Variants in ALDH7A1 observed in about 807,000 individuals in gnomAD.
ALDH7A1 encodes the protein alpha-aminoadipic semialdehyde dehydrogenase.
A neutral mutation model predicts 79.9 loss-of-function variants in ALDH7A1; 63 were observed. The ratio of observed to expected loss-of-function variants is 0.79; its 90% CI spans 0.64 to 0.97. The LOEUF is 0.97. Among genes scored for constraint, ALDH7A1 ranks in the 50% least tolerant of loss-of-function variants. The probability of loss-of-function intolerance (pLI) is 0.00; values close to 1 mark genes in which losing one functional copy is unlikely to be tolerated. For missense variants in ALDH7A1, 627 were observed against 665.2 expected, an observed-to-expected ratio of 0.94 and a Z score of 0.63; for synonymous variants, 240 against 231.2, an observed-to-expected ratio of 1.04 and a Z score of -0.34.
intron 9 of ALDH7A1, chr5:126,564,245 C>T (rs1178519208): frequency 5.0e-6 from 1 of 198,514 alleles, no homozygotes; most frequent in Non-Finnish European, 1.0e-5. Flanking sequence ...CAACCTCTGC[C>T]TCTGGGTTCA....
chr5:126,582,527 C>T (rs1267972855), intron 5 of ALDH7A1, among the ~76,000 whole-genome samples: 1 of 152,096 alleles, frequency 6.6e-6, no homozygotes, highest in Non-Finnish European at 1.5e-5. Context: ...TGTCTTATTT[C>T]AGATTATTTA....
intron 13 of ALDH7A1, among the ~76,000 whole-genome samples, chr5:126,552,474 C>T (rs1750032756): frequency 6.6e-6 from 1 of 152,182 alleles, no homozygotes; most frequent in South Asian, 2.1e-4. Context: ...CTCACTGCAA[C>T]CTCCGTCTCC....
chr5:126,560,827 C>T (rs1395890752), intron 10 of ALDH7A1, among the ~76,000 whole-genome samples: 2 of 152,188 alleles, frequency 1.3e-5, no homozygotes, highest in Non-Finnish European at 2.9e-5. Flanking sequence ...ACTACAATGG[C>T]AATGGAAGTC....
At chr5:126,563,181 A>T (rs1244969382) in intron 9 of ALDH7A1, among the ~76,000 whole-genome samples, 1 of 152,244 alleles carries the variant, frequency 6.6e-6, no homozygotes, top group Non-Finnish European at 1.5e-5. Context: ...CCTATGGCCC[A>T]TAAGGCCACC....
At chr5:126,579,904 G>T in intron 5 of ALDH7A1, 1 of 163,290 alleles carries the variant, frequency 6.1e-6, no homozygotes. Context: ...AAGCTGCAAG[G>T]GGCTATAATC....
chr5:126,570,749 T>C (rs772787905), intron 8 of ALDH7A1, 33 bp downstream of exon 8: 10 of 1,608,704 alleles, frequency 6.2e-6, no homozygotes, highest in South Asian at 1.1e-5. Context: ...CTGGGGTCCT[T>C]CAACAGAGGA....
At chr5:126,558,341 C>G (rs774685707) in intron 11 of ALDH7A1, among the ~76,000 whole-genome samples, 20 of 152,058 alleles carry the variant, frequency 1.3e-4, no homozygotes, top group Non-Finnish European at 2.5e-4. Context: ...CATATTGAAG[C>G]TAAACCACAT....
At position 126,595,073 on chromosome 5, in the gene ALDH7A1, C is replaced by A; in HGVS notation, c.126G>T (p.Leu42=). ...TTTCCTCGCGGAGCCCCAGCTCTTTCAGCCACGCATACTGGGGCTGATTGA... is the reference window on the plus strand; with the variant it reads ...TTTCCTCGCGGAGCCCCAGCTCTTTAAGCCACGCATACTGGGGCTGATTGA... ...LLINQPQYAW[L]KELGLREENE... The change falls in exon 1 of 18, where the codon CTG becomes CTT. Residue 42 remains leucine (L), a synonymous_variant. Transcript: ENST00000409134. The A allele has an allele frequency of 6.2e-7, 1 of 1,608,294 alleles. No homozygotes were observed.
chr5:126,579,820 C>T (rs1331302150), intron 5 of ALDH7A1, among the ~76,000 whole-genome samples: 1 of 152,038 alleles, frequency 6.6e-6, no homozygotes, highest in Non-Finnish European at 1.5e-5. Context: ...ATTAGCTGGG[C>T]TTGGTGGCAT....
intron 16 of ALDH7A1, among the ~76,000 whole-genome samples, chr5:126,548,953 A>T (rs1178372873): frequency 6.6e-6 from 1 of 150,968 alleles, no homozygotes; most frequent in African/African-American, 2.4e-5. Context: ...ACATGCCTGT[A>T]ATCTCAGCTA....
At chr5:126,559,090 G>T in intron 11 of ALDH7A1, 150 bp downstream of exon 11, 1 of 678,410 alleles carries the variant, frequency 1.5e-6, no homozygotes, top group Non-Finnish European at 2.7e-6. Context: ...TCTGCCATGA[G>T]CACAGAAAGA....
At position 126,575,310 on chromosome 5, in the gene ALDH7A1, T is replaced by A. The variant is rs979554522; in HGVS notation, c.695+110A>T. 2.6e-5 allele frequency: 26 copies of A among 993,072 alleles called. No homozygotes were observed. In the African/African-American group the frequency reaches 4.2e-4, roughly 16 times the overall value. 61.5% of individuals were successfully genotyped at this position (993,072 alleles called of 1,614,324 possible). A position where few individuals can be genotyped will look rare whatever the true frequency, so the allele number is the denominator to read the frequency against. On this transcript the variant is annotated intron_variant, in intron 7 of 17. Coordinates refer to ENST00000409134, the MANE Select transcript of ALDH7A1 (RefSeq NM_001182.5). Reference sequence around the variant, plus strand: ...TTACAAGCAAAGGAGAAAGAGGTTATCCAAATTCCATGCTATGTGACTCTG... The same window carrying A: ...TTACAAGCAAAGGAGAAAGAGGTTAACCAAATTCCATGCTATGTGACTCTG...
intron 7 of ALDH7A1, among the ~76,000 whole-genome samples, chr5:126,575,106 T>C (rs1158963156): frequency 1.3e-5 from 2 of 152,232 alleles, no homozygotes; most frequent in East Asian, 3.8e-4. Context: ...ACTTGTTGAA[T>C]AGTGAGAAAA....
intron 17 of ALDH7A1, 124 bp from the exon 18 acceptor site, chr5:126,545,143 TAAGACA>T: frequency 1.4e-6 from 1 of 730,046 alleles, no homozygotes; most frequent in Non-Finnish European, 2.4e-6. Context: ...TACAACTTTT[TAAGACA>T]AACCTTTAAG....
rs1273892264 is a variant in ALDH7A1, at chr5:126,543,773, C to T, written c.*1192G>A. 6.6e-6 allele frequency: 1 copy of T among 152,068 alleles called. No homozygotes were observed. The highest frequency in any genetic ancestry group is 2.4e-5 in the African/African-American group (1 of 41,398). 9.4% of individuals were successfully genotyped at this position (152,068 alleles called of 1,614,324 possible). A position where few individuals can be genotyped will look rare whatever the true frequency, so the allele number is the denominator to read the frequency against. On this transcript the variant is annotated 3_prime_UTR_variant, in exon 18 of 18. Coordinates refer to ENST00000409134, the MANE Select transcript of ALDH7A1 (RefSeq NM_001182.5). ...AACAGGGGCCTCTGGGCTGAACCAG[C>T]CCAAAGGCTCCTGTGCAGCTTCCCA...
At chr5:126,579,411 C>T (rs540558665) in intron 5 of ALDH7A1, among the ~76,000 whole-genome samples, 1 of 152,268 alleles carries the variant, frequency 6.6e-6, no homozygotes, top group African/African-American at 2.4e-5. Flanking sequence ...CACCATCCTA[C>T]CGTTTACTCC....
At chr5:126,576,259 T>A (rs1750963904) in intron 6 of ALDH7A1, among the ~76,000 whole-genome samples, 1 of 91,256 alleles carries the variant, frequency 1.1e-5, no homozygotes, top group African/African-American at 4.1e-5. Flanking sequence ...CAAGACTCTG[T>A]CACAAAAAAA....
rs2306619 is a variant in ALDH7A1 at position 126,552,164 on chromosome 5, A to G, written c.1201-27T>C. On this transcript the variant is annotated intron_variant, in intron 13 of 17. Transcript: ENST00000409134. Reference sequence around the variant, plus strand: ...TAATGCAGAGAAATGAAATAAAAAGAATGAAAGCATTTTGTTTTCTAGGAC... The same window carrying G: ...TAATGCAGAGAAATGAAATAAAAAGGATGAAAGCATTTTGTTTTCTAGGAC... The G allele has an allele frequency of 0.19, 305,425 of 1,583,234 alleles. 34,405 individuals carry two copies. The highest frequency in any genetic ancestry group is 0.57 in the East Asian group (25,453 of 44,640).
intron 9 of ALDH7A1, chr5:126,564,374 T>C (rs1750501311): frequency 9.7e-6 from 4 of 410,608 alleles, no homozygotes; most frequent in Non-Finnish European, 1.2e-5. Context: ...TCTTGAACTC[T>C]TGAGCTCAGG....
Sources: allele counts gnomAD v4.1 joint callset (sites outside exome capture counted in the v4.1 genomes callset), GRCh38; gene constraint gnomAD v4.1.1; transcripts MANE v1.5; gene names NCBI Gene and HGNC (gene_info 2026-07-23, HGNC 2026-07-21).